ASIC2: variants seen among roughly 807,000 people sequenced by gnomAD.
ASIC2 encodes acid-sensing ion channel 2.
Under a neutral mutation model 57.3 loss-of-function variants are expected in ASIC2, and 25 were observed. The ratio of observed to expected loss-of-function variants is 0.44; its 90% CI spans 0.32 to 0.61. ASIC2 has a LOEUF of 0.61. Among genes scored for constraint, ASIC2 ranks in the 20% least tolerant of loss-of-function variants. ASIC2 has a pLI of 0.06. For missense variants in ASIC2, 641 were observed against 738.1 expected, an observed-to-expected ratio of 0.87 and a Z score of 1.52; for synonymous variants, 319 against 307.5, an observed-to-expected ratio of 1.04 and a Z score of -0.39.
At chr17:34,096,436 A>G (rs1910549084) in intron 1 of ASIC2, among the ~76,000 whole-genome samples, 1 of 152,224 alleles carries the variant, frequency 6.6e-6, no homozygotes, top group Non-Finnish European at 1.5e-5. Context: ...GGGCCAGATC[A>G]TGCAGATAAT....
intron 1 of ASIC2, among the ~76,000 whole-genome samples, chr17:33,702,824 T>G (rs1162330755): frequency 6.6e-6 from 1 of 152,210 alleles, no homozygotes; most frequent in Non-Finnish European, 1.5e-5. Flanking sequence ...GATTTAATGA[T>G]TCATTCACTC....
chr17:33,887,224 A>C (rs1326630452), intron 1 of ASIC2, among the ~76,000 whole-genome samples: 1 of 152,104 alleles, frequency 6.6e-6, no homozygotes, highest in African/African-American at 2.4e-5. Flanking sequence ...AAGACCTCAA[A>C]CATGCATTGT....
intron 1 of ASIC2, among the ~76,000 whole-genome samples, chr17:33,747,474 C>T (rs917032787): frequency 5.9e-5 from 9 of 152,116 alleles, no homozygotes; most frequent in African/African-American, 1.2e-4. Flanking sequence ...CTGCCTGCCT[C>T]GGCCTCTCAA....
intron 1 of ASIC2, among the ~76,000 whole-genome samples, chr17:34,094,964 G>A (rs1426337555): frequency 6.6e-6 from 1 of 152,192 alleles, no homozygotes; most frequent in Non-Finnish European, 1.5e-5. Context: ...GAACAACGAG[G>A]AAATTTTCTG....
chr17:34,048,695 C>T (rs1908427754), intron 1 of ASIC2, among the ~76,000 whole-genome samples: 1 of 152,172 alleles, frequency 6.6e-6, no homozygotes, highest in South Asian at 2.1e-4. Flanking sequence ...CCTTTCTTTC[C>T]AGCTCACAAG....
chr17:33,560,110 C>T lies in ASIC2; in HGVS notation c.556-448043G>A, dbSNP rs138604910. Reference sequence around the variant, plus strand: ...AAGCTCTTAAGATGAATACAGCTGTCGAGGCAAGGCAAGGAAAGCTTTCTT... The same window carrying T: ...AAGCTCTTAAGATGAATACAGCTGTTGAGGCAAGGCAAGGAAAGCTTTCTT... On this transcript the variant is annotated intron_variant, in intron 1 of 9. Transcript: ENST00000359872. 7.6e-3 allele frequency among the ~76,000 whole-genome samples: 1,164 copies of T among 152,188 alleles called. 12 individuals are homozygous for T. Among genetic ancestry groups the T allele is most frequent in the South Asian group, 0.035 (168 of 4,812 alleles).
chr17:33,444,476 T>C (rs1296991968), intron 1 of ASIC2, among the ~76,000 whole-genome samples: 1 of 152,166 alleles, frequency 6.6e-6, no homozygotes, highest in African/African-American at 2.4e-5. Flanking sequence ...AAATGCATGG[T>C]CTACTAGAAA....
At chr17:33,620,240 GAAA>G (rs35560840) in intron 1 of ASIC2, among the ~76,000 whole-genome samples, 1 of 74,896 alleles carries the variant, frequency 1.3e-5, no homozygotes, top group Non-Finnish European at 2.7e-5. Context: ...AGAGGAAAAT[GAAA>G]AAAAAAAAAA....
rs1175936193 is a variant in ASIC2 at position 33,695,081 on chromosome 17, CAA to C, written c.555+460895_555+460896del. The stretch of plus-strand genomic sequence containing the variant: ...ATTGTATGGGAAAGAAAATATATCA[CAA>C]AAAAAGTTTTTTGTTTAGTAGCAAA... On this transcript the variant is annotated intron_variant, in intron 1 of 9. Coordinates refer to the ASIC2 transcript ENST00000359872. Among the ~76,000 whole-genome samples, 19 of 152,118 alleles carry C rather than the reference CAA, an allele frequency of 1.2e-4. No individual in the cohort carries two copies. The East Asian group carries it at 2.3e-3, about 19-fold the overall frequency.
rs374577671 is a variant in ASIC2 at position 33,614,180 on chromosome 17, G to A, written c.556-502113C>T. On this transcript the variant is annotated intron_variant, in intron 1 of 9. Transcript: ENST00000359872. ...TTTTCAGCGTGAGTTCTTTAAGGATGGGTGTCCTTATTATTATCCACTAAA... is the reference window on the plus strand; with the variant it reads ...TTTTCAGCGTGAGTTCTTTAAGGATAGGTGTCCTTATTATTATCCACTAAA... Among the ~76,000 whole-genome samples, 41 of 152,230 alleles carry A rather than the reference G, an allele frequency of 2.7e-4. No homozygotes were observed. In the East Asian group the frequency reaches 4.8e-3, roughly 18 times the overall value.
At chr17:33,712,220 C>T (rs1185494269) in intron 1 of ASIC2, among the ~76,000 whole-genome samples, 1 of 152,148 alleles carries the variant, frequency 6.6e-6, no homozygotes, top group African/African-American at 2.4e-5. Context: ...GAGCAGCTGC[C>T]TTCTGTGCAG....
chr17:33,600,378 G>A (rs1905092207), intron 1 of ASIC2, among the ~76,000 whole-genome samples: 1 of 152,206 alleles, frequency 6.6e-6, no homozygotes, highest in African/African-American at 2.4e-5. Flanking sequence ...AGAACCATGA[G>A]CCAGAGAAAT....
intron 1 of ASIC2, among the ~76,000 whole-genome samples, chr17:33,362,889 G>A (rs1341515793): frequency 6.6e-6 from 1 of 152,216 alleles, no homozygotes; most frequent in Admixed American, 6.5e-5. Flanking sequence ...CTATCCCAAG[G>A]GGGTGACATA....
At chr17:33,151,637 G>T (rs72819124) in intron 1 of ASIC2, among the ~76,000 whole-genome samples, 1,916 of 152,256 alleles carry the variant, frequency 0.013, 14 homozygotes, top group Non-Finnish European at 0.019. Flanking sequence ...GCTATTGTGG[G>T]AGTGGGTCAG....
chr17:33,607,547 G>T (rs1905261060), intron 1 of ASIC2, among the ~76,000 whole-genome samples: 1 of 152,138 alleles, frequency 6.6e-6, no homozygotes, highest in African/African-American at 2.4e-5. Flanking sequence ...TTGGGAAATG[G>T]GCCATGGTTG....
intron 1 of ASIC2, among the ~76,000 whole-genome samples, chr17:33,725,750 T>A (rs1285409657): frequency 7.3e-6 from 1 of 136,306 alleles, no homozygotes; most frequent in African/African-American, 2.6e-5. Context: ...ATGCTTTTGC[T>A]GTTAGTTTCT....
At chr17:33,835,661 T>C (rs374074617) in intron 1 of ASIC2, among the ~76,000 whole-genome samples, 24 of 152,310 alleles carry the variant, frequency 1.6e-4, no homozygotes, top group Middle Eastern at 6.8e-3. Flanking sequence ...GATTTCAAAT[T>C]CTGTGACTTT....
chr17:34,039,070 G>T (rs1427714041), intron 1 of ASIC2: 3 of 1,613,976 alleles, frequency 1.9e-6, no homozygotes, highest in African/African-American at 2.7e-5. Context: ...CTTGCTCATT[G>T]TCACACATCT....
chr17:33,799,558 C>T (rs1214568857), intron 1 of ASIC2, among the ~76,000 whole-genome samples: 2 of 147,954 alleles, frequency 1.4e-5, no homozygotes, highest in Non-Finnish European at 3.0e-5. Flanking sequence ...CATTTTATTT[C>T]CTGCTTTTAT....
Sources: gnomAD v4.1 joint callset for allele counts (sites outside exome capture counted in the v4.1 genomes callset) on GRCh38, gnomAD v4.1.1 for gene constraint, MANE v1.5 for transcripts, NCBI Gene and HGNC (gene_info 2026-07-23, HGNC 2026-07-21) for gene names.